The following LCMT1 variants were observed in gnomAD, a reference collection of about 807,000 sequenced individuals.
The protein encoded by LCMT1 is leucine carboxyl methyltransferase 1, also known as [Phosphatase 2A protein]-leucine-carboxy methyltransferase 1.
LCMT1 carries 32 observed loss-of-function variants against 47.7 expected under a neutral mutation model. That is an observed-to-expected ratio of 0.67 (90% CI 0.51 to 0.90). The LOEUF (loss-of-function observed/expected upper bound fraction) is 0.90, where lower values mean the gene tolerates loss of function less well. Ranked by LOEUF, LCMT1 falls within the 40% of genes least tolerant of loss-of-function variation. LCMT1 has a pLI of 0.00. For synonymous variants in LCMT1, 152 were observed against 149.7 expected (o/e 1.02, Z -0.11); for missense variants, 375 against 415.2 (o/e 0.90, Z 0.84).
chr16:25,148,907 G>A (rs1433712895), intron 4 of LCMT1: 1 of 152,272 alleles, frequency 6.6e-6, no homozygotes, highest in African/African-American at 2.4e-5. Context: ...TTGTGCTTGA[G>A]CGCACGGGGA....
chr16:25,145,785 C>T (rs1960830655), intron 4 of LCMT1: 1 of 152,260 alleles, frequency 6.6e-6, no homozygotes, highest in South Asian at 2.1e-4. Context: ...ATGATTTCCT[C>T]CATGGATAGC....
intron 6 of LCMT1, among the ~76,000 whole-genome samples, chr16:25,162,050 G>A (rs1961447893): frequency 6.6e-6 from 1 of 152,180 alleles, no homozygotes; most frequent in South Asian, 2.1e-4. Flanking sequence ...TACAACTACT[G>A]TGAGGAGCAA....
intron 1 of LCMT1, among the ~76,000 whole-genome samples, chr16:25,116,318 A>C (rs1021616032): frequency 6.6e-6 from 1 of 152,228 alleles, no homozygotes; most frequent in African/African-American, 2.4e-5. Context: ...AGCCACAGTC[A>C]CTTCTATCAG....
At chr16:25,126,973 G>A (rs1386415853) in intron 1 of LCMT1, among the ~76,000 whole-genome samples, 2 of 152,176 alleles carry the variant, frequency 1.3e-5, no homozygotes, top group South Asian at 2.1e-4. Flanking sequence ...ACCACTAGAT[G>A]ACACTATATG....
intron 1 of LCMT1, among the ~76,000 whole-genome samples, chr16:25,114,477 A>AGGT (rs1384853041): frequency 6.6e-6 from 1 of 152,196 alleles, no homozygotes; most frequent in Admixed American, 6.5e-5. Flanking sequence ...TTGACTCAAT[A>AGGT]GGTATCAATT....
intron 7 of LCMT1, among the ~76,000 whole-genome samples, chr16:25,168,388 A>G (rs1006727339): frequency 1.3e-5 from 2 of 152,246 alleles, no homozygotes; most frequent in African/African-American, 4.8e-5. Flanking sequence ...ATATACTACA[A>G]TGGTGTACAC....
chr16:25,151,418 G>A (rs180897305), intron 4 of LCMT1, 136 bp from the exon 5 acceptor site: 16 of 702,392 alleles, frequency 2.3e-5, no homozygotes, highest in African/African-American at 3.6e-5. Context: ...TTTTAGAGGG[G>A]CCCCTGCTTT....
At chr16:25,173,501 T>C (rs1961836380) in intron 9 of LCMT1, among the ~76,000 whole-genome samples, 1 of 152,212 alleles carries the variant, frequency 6.6e-6, no homozygotes, top group African/African-American at 2.4e-5. Context: ...TACAGAAACA[T>C]GCACAGACAC....
chr16:25,169,397 C>CACATTTCCT, intron 8 of LCMT1, 184 bp downstream of exon 8: 1 of 541,350 alleles, frequency 1.8e-6, no homozygotes, highest in Non-Finnish European at 3.3e-6. Context: ...GCTTCACCAT[C>CACATTTCCT]ACATTTCCTA....
At position 25,171,538 on chromosome 16, in the gene LCMT1, G is replaced by A. The variant is rs80278326; in HGVS notation, c.884+733G>A. On this transcript the variant is annotated intron_variant, in intron 9 of 10. Coordinates refer to ENST00000399069, the MANE Select transcript of LCMT1 (RefSeq NM_016309.3). Reference sequence around the variant, plus strand: ...AACTCATTAGCTATTAGCTGAGATAGGGCTTATGCCCAAACTGATTATTTT... The same window carrying A: ...AACTCATTAGCTATTAGCTGAGATAAGGCTTATGCCCAAACTGATTATTTT... Among the ~76,000 whole-genome samples the A allele has an allele frequency of 9.1e-3, 1,393 of 152,292 alleles. 27 individuals carry two copies. Among genetic ancestry groups the A allele is most frequent in the African/African-American group, 0.032 (1,324 of 41,562 alleles).
intron 3 of LCMT1, among the ~76,000 whole-genome samples, chr16:25,136,218 C>T (rs1201334638): frequency 6.6e-6 from 1 of 152,014 alleles, no homozygotes; most frequent in Admixed American, 6.6e-5. Flanking sequence ...CTACTTTTCT[C>T]CATCTCCCTG....
At chr16:25,129,075 G>A (rs960156318) in intron 2 of LCMT1, among the ~76,000 whole-genome samples, 17 of 150,164 alleles carry the variant, frequency 1.1e-4, no homozygotes, top group African/African-American at 4.2e-4. Context: ...AGAACATGCG[G>A]TGTTTGGTTT....
At chr16:25,162,541 A>G (rs1181134491) in intron 6 of LCMT1, among the ~76,000 whole-genome samples, 3 of 151,366 alleles carry the variant, frequency 2.0e-5, no homozygotes, top group Non-Finnish European at 2.9e-5. Context: ...GTGAGCCAAG[A>G]TCATGACATC....
intron 3 of LCMT1, among the ~76,000 whole-genome samples, chr16:25,139,590 A>C (rs1231395169): frequency 6.6e-6 from 1 of 152,218 alleles, no homozygotes; most frequent in Non-Finnish European, 1.5e-5. Flanking sequence ...TGGCTGTTTT[A>C]ACCTATTTCA....
chr16:25,169,910 G>A (rs367578907), intron 8 of LCMT1, among the ~76,000 whole-genome samples: 9 of 151,798 alleles, frequency 5.9e-5, no homozygotes, highest in East Asian at 1.9e-4. Context: ...CTCCCACCCC[G>A]CCCCCATATA....
At chr16:25,118,597 A>C (rs1251633959) in intron 1 of LCMT1, among the ~76,000 whole-genome samples, 1 of 151,978 alleles carries the variant, frequency 6.6e-6, no homozygotes, top group Non-Finnish European at 1.5e-5. Flanking sequence ...TGGGAGATGC[A>C]GTGGGTGTGT....
chr16:25,128,154 A>G (rs1188570959), intron 1 of LCMT1, among the ~76,000 whole-genome samples: 1 of 152,204 alleles, frequency 6.6e-6, no homozygotes, highest in Admixed American at 6.5e-5. Context: ...GAGTGAATAA[A>G]TGGCTGCACA....
chr16:25,138,310 G>C (rs961776525), intron 3 of LCMT1, among the ~76,000 whole-genome samples: 1 of 152,146 alleles, frequency 6.6e-6, no homozygotes, highest in Non-Finnish European at 1.5e-5. Flanking sequence ...CACCAGAGGG[G>C]GTGCTGGGAC....
intron 2 of LCMT1, among the ~76,000 whole-genome samples, chr16:25,130,654 G>A (rs923097623): frequency 2.0e-5 from 3 of 152,076 alleles, no homozygotes; most frequent in Non-Finnish European, 2.9e-5. Context: ...TCAAAAAAAA[G>A]AATCTTCAGT....
Sources: allele counts gnomAD v4.1 joint callset (sites outside exome capture counted in the v4.1 genomes callset), GRCh38; gene constraint gnomAD v4.1.1; transcripts MANE v1.5; gene names NCBI Gene and HGNC (gene_info 2026-07-23, HGNC 2026-07-21).